DSCAML1: variants seen among roughly 807,000 people sequenced by gnomAD.
DSCAML1 encodes cell adhesion molecule DSCAML1.
Under a neutral mutation model 200.5 loss-of-function variants are expected in DSCAML1, and 38 were observed. That is an observed-to-expected ratio of 0.19 (90% confidence interval 0.15 to 0.25). DSCAML1 has a LOEUF of 0.25. Ranked by LOEUF, DSCAML1 falls within the 10% of genes least tolerant of loss-of-function variation. DSCAML1 has a pLI of 1.00. For missense variants in DSCAML1, 2,223 were observed against 2,858.8 expected, an observed-to-expected ratio of 0.78 and a Z score of 5.07; for synonymous variants, 1,215 against 1,165.0, an observed-to-expected ratio of 1.04 and a Z score of -0.87.
intron 6 of DSCAML1, among the ~76,000 whole-genome samples, chr11:117,519,324 A>C (rs2049844057): frequency 1.3e-5 from 2 of 152,162 alleles, no homozygotes; most frequent in South Asian, 2.1e-4. Flanking sequence ...ACAAGGCCTT[A>C]AGTCTGAGGC....
At position 117,518,192 on chromosome 11, in the gene DSCAML1, G is replaced by T. The variant is rs2049813251; in HGVS notation, c.1510+274C>A. On this transcript the variant is annotated intron_variant, in intron 7 of 32. Coordinates refer to ENST00000651296, the MANE Select transcript of DSCAML1 (RefSeq NM_020693.4). The surrounding 1 kb of genome is among the most constrained non-coding windows in gnomAD (Gnocchi z 6.3). ...GGAATGGGCTAGAGGGTAAGAGAAGGGGCTGGGCTGGCTGGATTTCTGGAC... is the reference window on the plus strand; with the variant it reads ...GGAATGGGCTAGAGGGTAAGAGAAGTGGCTGGGCTGGCTGGATTTCTGGAC... Among the ~76,000 whole-genome samples the T allele has an allele frequency of 6.6e-6, 1 of 152,086 alleles. No individual in the cohort carries two copies. Among genetic ancestry groups the T allele is most frequent in the Admixed American group, 6.5e-5 (1 of 15,274 alleles).
Position 117,464,947 on chromosome 11 carries a change from T to C in DSCAML1, c.3260A>G (p.Glu1087Gly). Residue 1087 changes from glutamate (E) to glycine (G), a missense_variant, in exon 17 of 33, where the codon GAG becomes GGG. By Grantham distance (98) the Glu-to-Gly change is moderately conservative. Coordinates refer to ENST00000651296, the MANE Select transcript of DSCAML1 (RefSeq NM_020693.4). ...SSSEINATTL[E>G]DVPSQPPENV... is the part of the protein sequence containing the mutation. ...CCTTCTGCTGGGGCCCTCACCATCC[T>C]CCAGAGTGGTGGCATTGATCTCGCT... 1 of 1,613,766 alleles carries C rather than the reference T, an allele frequency of 6.2e-7. No homozygotes were observed. The highest frequency in any genetic ancestry group is 1.1e-5 in the South Asian group (1 of 91,052).
chr11:117,785,437 T>C (rs927320976), intron 1 of DSCAML1, among the ~76,000 whole-genome samples: 19 of 152,138 alleles, frequency 1.2e-4, no homozygotes, highest in Middle Eastern at 3.4e-3. Context: ...GGGTGAGGCA[T>C]GCATGTTGGG....
At position 117,504,466 on chromosome 11, in the gene DSCAML1, CCA is replaced by C. The variant is rs1277653809; in HGVS notation, c.2183-447_2183-446del. ...TGGGCACCCCCTGTCCCTCCATTCC[CCA>C]GTGTCAGTCACGAATACAGTCTAGG... is the stretch of plus-strand genomic sequence containing the variant. On this transcript the variant is annotated intron_variant, in intron 10 of 32. Transcript: ENST00000651296. The surrounding 1 kb of genome is among the most constrained non-coding windows in gnomAD (Gnocchi z 5.0). Among the ~76,000 whole-genome samples the C allele has an allele frequency of 7.9e-5, 12 of 152,262 alleles. No homozygotes were observed. Among genetic ancestry groups the C allele is most frequent in the Middle Eastern group, 3.4e-3 (1 of 294 alleles).
intron 3 of DSCAML1, among the ~76,000 whole-genome samples, chr11:117,599,506 A>G (rs1330833055): frequency 1.3e-5 from 2 of 152,220 alleles, no homozygotes; most frequent in Non-Finnish European, 2.9e-5. Flanking sequence ...GAGCCCCAGA[A>G]TTGTAAATGG....
intron 3 of DSCAML1, among the ~76,000 whole-genome samples, chr11:117,603,422 T>C (rs1016724589): frequency 1.3e-5 from 2 of 152,226 alleles, no homozygotes; most frequent in Non-Finnish European, 2.9e-5. Flanking sequence ...TGCTCCGTCA[T>C]CTGCTCTGTG....
Position 117,437,453 on chromosome 11 carries a change from G to T in DSCAML1, c.4433-44C>A, listed in dbSNP as rs748729041. 2 of 1,589,766 alleles carry T rather than the reference G, an allele frequency of 1.3e-6. No individual in the cohort carries two copies. The highest frequency in any genetic ancestry group is 3.4e-5 in the Admixed American group (2 of 58,878). The stretch of plus-strand genomic sequence containing the variant: ...AGAGAGAGGTTAGAGAGATTTGGTG[G>T]GAGGCAGGACTGGACTGGGCTGGGC... On this transcript the variant is annotated intron_variant, in intron 25 of 32. Coordinates refer to ENST00000651296, the MANE Select transcript of DSCAML1 (RefSeq NM_020693.4). The surrounding 1 kb of genome is among the most constrained non-coding windows in gnomAD (Gnocchi z 5.3).
intron 19 of DSCAML1, among the ~76,000 whole-genome samples, chr11:117,451,006 C>T (rs2048271902): frequency 6.6e-6 from 1 of 152,208 alleles, no homozygotes; most frequent in Non-Finnish European, 1.5e-5. Context: ...CTTGATCCCT[C>T]TGACCTTAAC....
At chr11:117,656,354 T>G (rs2052735031) in intron 3 of DSCAML1, among the ~76,000 whole-genome samples, 1 of 152,240 alleles carries the variant, frequency 6.6e-6, no homozygotes, top group Non-Finnish European at 1.5e-5. Flanking sequence ...TGAGCTCCTC[T>G]GAGCCTCAGT....
chr11:117,532,455 G>C lies in DSCAML1; in HGVS notation c.579C>G (p.Leu193=), dbSNP rs754030088. The change falls in exon 4 of 33, where the codon CTC becomes CTG. Residue 193 remains leucine (L), a synonymous_variant. Transcript: ENST00000651296. ...GCTTGGTGATGCAGCGATAGGTGGA[G>C]AGGGCGTCCTCCTTCTGTACGTCAG... ...YISDVQKEDA[L]STYRCITKHK... is the part of the protein sequence containing the mutation. 3 of 1,614,212 alleles carry C rather than the reference G, an allele frequency of 1.9e-6. No individual in the cohort carries two copies. The highest frequency in any genetic ancestry group is 1.6e-4 in the Middle Eastern group (1 of 6,062).
chr11:117,682,760 C>T (rs1374675419), intron 3 of DSCAML1, among the ~76,000 whole-genome samples: 1 of 152,132 alleles, frequency 6.6e-6, no homozygotes, highest in Non-Finnish European at 1.5e-5. Flanking sequence ...CTGGAGGTGA[C>T]AGAGACAGGT....
chr11:117,587,577 C>T lies in DSCAML1; in HGVS notation c.512-55055G>A, dbSNP rs7947786. On this transcript the variant is annotated intron_variant, in intron 3 of 32. Coordinates refer to ENST00000651296, the MANE Select transcript of DSCAML1 (RefSeq NM_020693.4). ...ACTGCCCAGAAGAGATGAGTCGGGC[C>T]GATGTTGTTCATGACTCCTCTGCTG... is the stretch of plus-strand genomic sequence containing the variant. 7.5e-3 allele frequency among the ~76,000 whole-genome samples: 1,135 copies of T among 152,224 alleles called. 11 individuals are homozygous for T. The highest frequency in any genetic ancestry group is 0.026 in the African/African-American group (1,089 of 41,536).
chr11:117,788,469 G>A (rs1164345814), intron 1 of DSCAML1, among the ~76,000 whole-genome samples: 4 of 152,136 alleles, frequency 2.6e-5, no homozygotes, highest in African/African-American at 9.7e-5. Context: ...TGGGATTACA[G>A]GCGTGCACCA....
chr11:117,656,682 T>G (rs1330499113), intron 3 of DSCAML1, among the ~76,000 whole-genome samples: 1 of 152,168 alleles, frequency 6.6e-6, no homozygotes, highest in Admixed American at 6.5e-5. Flanking sequence ...AAAACTGAGT[T>G]AGTAGGGGTG....
At chr11:117,626,129 T>C (rs1398554284) in intron 3 of DSCAML1, among the ~76,000 whole-genome samples, 4 of 151,886 alleles carry the variant, frequency 2.6e-5, no homozygotes, top group East Asian at 1.9e-4. Flanking sequence ...AATACCCTCA[T>C]ACCAGAGCTC....
At chr11:117,507,686 C>T (rs1254884433) in intron 8 of DSCAML1, among the ~76,000 whole-genome samples, 2 of 152,178 alleles carry the variant, frequency 1.3e-5, no homozygotes, top group Non-Finnish European at 2.9e-5. Flanking sequence ...TCAGCCTGCC[C>T]GAGTGAACAC....
intron 14 of DSCAML1, among the ~76,000 whole-genome samples, chr11:117,475,034 C>T (rs149841049): frequency 1.2e-4 from 19 of 152,238 alleles, no homozygotes; most frequent in African/African-American, 3.1e-4. Context: ...GGATTACAGG[C>T]GTGAGTCACC....
upstream of DSCAML1, among the ~76,000 whole-genome samples, chr11:117,800,199 C>T (rs535263666): frequency 7.2e-5 from 11 of 152,224 alleles, no homozygotes; most frequent in East Asian, 1.3e-3. Context: ...GTCTCCTCTT[C>T]GACAGGAGTT....
chr11:117,634,446 C>T (rs1472006117), intron 3 of DSCAML1, among the ~76,000 whole-genome samples: 5 of 152,188 alleles, frequency 3.3e-5, no homozygotes, highest in Non-Finnish European at 7.4e-5. Context: ...CTTGGCAAGA[C>T]AGCCCTGCCG....
Sources: allele counts gnomAD v4.1 joint callset (sites outside exome capture counted in the v4.1 genomes callset), GRCh38; gene constraint gnomAD v4.1.1; non-coding constraint Gnocchi (gnomAD v3.1); transcripts MANE v1.5; gene names NCBI Gene and HGNC (gene_info 2026-07-23, HGNC 2026-07-21).